Variants in MACROD2 observed in about 807,000 individuals in gnomAD.
The protein encoded by MACROD2 is mono-ADP ribosylhydrolase 2.
MACROD2 carries 36 observed loss-of-function variants against 70.4 expected under a neutral mutation model. The ratio of observed to expected loss-of-function variants is 0.51; its 90% CI spans 0.39 to 0.68. The LOEUF (loss-of-function observed/expected upper bound fraction) is 0.68, where lower values mean the gene tolerates loss of function less well. Ranked by LOEUF, MACROD2 falls within the 30% of genes least tolerant of loss-of-function variation. The pLI, the probability that MACROD2 is intolerant of heterozygous loss-of-function variation, is 0.00. For missense variants in MACROD2, 496 were observed against 538.4 expected (o/e 0.92, Z 0.78); for synonymous variants, 172 against 178.8 (o/e 0.96, Z 0.30).
intron 5 of MACROD2, among the ~76,000 whole-genome samples, chr20:14,830,060 A>C (rs1028421066): frequency 6.6e-6 from 1 of 152,148 alleles, no homozygotes; most frequent in Non-Finnish European, 1.5e-5. Context: ...CAAAGAAAAA[A>C]TGATTCATAA....
At chr20:15,923,931 T>C (rs1203904007) in intron 10 of MACROD2, among the ~76,000 whole-genome samples, 1 of 152,258 alleles carries the variant, frequency 6.6e-6, no homozygotes. Flanking sequence ...AAATCTGTAA[T>C]TTTTAAAGAG....
At chr20:14,588,806 T>A (rs1270608627) in intron 4 of MACROD2, among the ~76,000 whole-genome samples, 2 of 152,226 alleles carry the variant, frequency 1.3e-5, no homozygotes, top group Non-Finnish European at 2.9e-5. Flanking sequence ...TTGTACGACA[T>A]GAGCATGTAG....
At chr20:15,858,116 T>A (rs570650604) in intron 8 of MACROD2, among the ~76,000 whole-genome samples, 1 of 86,558 alleles carries the variant, frequency 1.2e-5, no homozygotes, top group African/African-American at 3.5e-5. Context: ...GCTTGGGCCT[T>A]GGGAAAAAAA....
intron 5 of MACROD2, among the ~76,000 whole-genome samples, chr20:14,716,716 G>A (rs1027357387): frequency 6.6e-6 from 1 of 152,112 alleles, no homozygotes; most frequent in African/African-American, 2.4e-5. Context: ...GGCTTAACAC[G>A]TGAAGTGGGT....
chr20:15,405,804 T>G (rs897084067), intron 6 of MACROD2, among the ~76,000 whole-genome samples: 1 of 152,200 alleles, frequency 6.6e-6, no homozygotes, highest in Non-Finnish European at 1.5e-5. Context: ...TGCAACAGCT[T>G]TTACCAGTTT....
At chr20:15,716,554 G>C (rs926902729) in intron 8 of MACROD2, among the ~76,000 whole-genome samples, 1 of 152,178 alleles carries the variant, frequency 6.6e-6, no homozygotes. Flanking sequence ...TGAGTTTGAG[G>C]TTTTTAAAAG....
chr20:14,089,502 A>G (rs2054120927), intron 3 of MACROD2, among the ~76,000 whole-genome samples: 1 of 152,228 alleles, frequency 6.6e-6, no homozygotes, highest in South Asian at 2.1e-4. Flanking sequence ...CTTAGTTGCT[A>G]TGAATGAAAT....
chr20:15,907,717 G>A (rs719951), intron 10 of MACROD2, among the ~76,000 whole-genome samples: 139,115 of 152,246 alleles, frequency 0.91, 64,550 homozygotes, highest in East Asian at 1. Flanking sequence ...TGGTGGTTCC[G>A]CTAGATGGAT....
intron 9 of MACROD2, among the ~76,000 whole-genome samples, chr20:15,874,908 G>T (rs1340871775): frequency 6.6e-6 from 1 of 152,070 alleles, no homozygotes; most frequent in African/African-American, 2.4e-5. Context: ...CTAGAGGTGG[G>T]GTCAATGTCA....
At chr20:14,199,651 T>G (rs1450477445) in intron 3 of MACROD2, among the ~76,000 whole-genome samples, 1 of 152,224 alleles carries the variant, frequency 6.6e-6, no homozygotes, top group African/African-American at 2.4e-5. Flanking sequence ...ATAGTATTTT[T>G]CTTTTTCATG....
intron 3 of MACROD2, among the ~76,000 whole-genome samples, chr20:14,177,672 C>G (rs551875433): frequency 7.6e-4 from 116 of 152,180 alleles, no homozygotes; most frequent in African/African-American, 2.7e-3. Context: ...GACCAATGAC[C>G]AGTGAAATAG....
chr20:14,446,237 T>C (rs979444176), intron 3 of MACROD2, among the ~76,000 whole-genome samples: 1 of 152,104 alleles, frequency 6.6e-6, no homozygotes, highest in Non-Finnish European at 1.5e-5. Flanking sequence ...ATAGTAATAG[T>C]ATAAATAATA....
At chr20:14,769,479 C>T (rs577797563) in intron 5 of MACROD2, among the ~76,000 whole-genome samples, 1 of 152,150 alleles carries the variant, frequency 6.6e-6, no homozygotes, top group South Asian at 2.1e-4. Flanking sequence ...ATACAAATTT[C>T]TCCCTTTAAA....
intron 5 of MACROD2, among the ~76,000 whole-genome samples, chr20:14,802,440 G>A (rs1006541192): frequency 6.6e-6 from 1 of 152,020 alleles, no homozygotes; most frequent in African/African-American, 2.4e-5. Flanking sequence ...AGTTTCAGAA[G>A]GAAGTTCAGA....
intron 3 of MACROD2, among the ~76,000 whole-genome samples, chr20:14,400,564 G>A (rs1252491259): frequency 1.3e-5 from 2 of 152,024 alleles, no homozygotes. Context: ...GCATTTCTGG[G>A]TGCCATACTC....
chr20:14,344,662 A>C (rs1274433620), intron 3 of MACROD2, among the ~76,000 whole-genome samples: 1 of 152,228 alleles, frequency 6.6e-6, no homozygotes, highest in East Asian at 1.9e-4. Context: ...AGTTTATTTA[A>C]AGTACACAAA....
intron 3 of MACROD2, among the ~76,000 whole-genome samples, chr20:14,220,544 A>C (rs989658583): frequency 7.2e-5 from 11 of 152,184 alleles, no homozygotes; most frequent in Admixed American, 2.0e-4. Context: ...AGTTCTGGCC[A>C]GGAGGCTTCT....
At chr20:15,526,055 A>G (rs1442480353) in intron 8 of MACROD2, among the ~76,000 whole-genome samples, 1 of 152,236 alleles carries the variant, frequency 6.6e-6, no homozygotes, top group Non-Finnish European at 1.5e-5. Context: ...TCAAAAAGAG[A>G]AAATAGATTT....
At chr20:15,069,265 C>G (rs1236177089) in intron 5 of MACROD2, among the ~76,000 whole-genome samples, 1 of 152,130 alleles carries the variant, frequency 6.6e-6, no homozygotes, top group African/African-American at 2.4e-5. Flanking sequence ...AAAAAAATGA[C>G]TTAAAGTTGG....
Sources: allele counts gnomAD v4.1 joint callset (sites outside exome capture counted in the v4.1 genomes callset), GRCh38; gene constraint gnomAD v4.1.1; transcripts MANE v1.5; gene names NCBI Gene and HGNC (gene_info 2026-07-23, HGNC 2026-07-21).